The following DEFB108B variants were observed in gnomAD, a reference collection of about 807,000 sequenced individuals.
DEFB108B encodes beta-defensin 108B.
In DEFB108B, 3 loss-of-function variants were observed where a neutral mutation model predicts 2.4. The observed-to-expected ratio is 1.25, with a 90% confidence interval of 0.57 to 3.24. The LOEUF (loss-of-function observed/expected upper bound fraction) is 3.24. DEFB108B is among the 30% of genes most tolerant of loss of function. DEFB108B has a pLI of 0.03. For synonymous variants in DEFB108B, 25 were observed against 28.7 expected, an observed-to-expected ratio of 0.87 and a Z score of 0.41; for missense variants, 101 against 87.8, an observed-to-expected ratio of 1.15 and a Z score of -0.60.
At chr11:71,833,779 G>A (rs1472670250) in intron 1 of DEFB108B, among the ~76,000 whole-genome samples, 1 of 152,118 alleles carries the variant, frequency 6.6e-6, no homozygotes, top group African/African-American at 2.4e-5. Flanking sequence ...TCCATCCCTG[G>A]CTTTCCCTCT....
intron 1 of DEFB108B, among the ~76,000 whole-genome samples, chr11:71,835,015 T>C (rs542780865): frequency 6.6e-6 from 1 of 152,334 alleles, no homozygotes; most frequent in East Asian, 1.9e-4. Context: ...AAATCCCTAA[T>C]GTTACTTGAA....
Position 71,837,457 on chromosome 11 carries a change from C to T in DEFB108B, c.117C>T (p.Cys39=). The change falls in exon 2 of 2, where the codon TGC becomes TGT. Residue 39 remains cysteine (C), a synonymous_variant. Coordinates refer to ENST00000328698, the MANE Select transcript of DEFB108B (RefSeq NM_001002035.2). ...CAAATGGCTCCTGTCGGGACTTTTG[C>T]CTTGAAACAGAAATCCATGTTGGGA... The part of the protein sequence containing the change: ...ERPNGSCRDF[C]LETEIHVGRC... 4 of 1,611,944 alleles carry T rather than the reference C, an allele frequency of 2.5e-6. No individual in the cohort carries two copies. The highest frequency in any genetic ancestry group is 3.4e-6 in the Non-Finnish European group (4 of 1,179,814).
At chr11:71,837,290 A>G in intron 1 of DEFB108B, 109 bp from the exon 2 acceptor site, 1 of 1,374,110 alleles carries the variant, frequency 7.3e-7, no homozygotes, top group Non-Finnish European at 1.0e-6. Context: ...ACACACACAC[A>G]CAAATCCACA....
intron 1 of DEFB108B, among the ~76,000 whole-genome samples, chr11:71,833,863 G>A (rs1481102260): frequency 6.6e-6 from 1 of 152,128 alleles, no homozygotes; most frequent in Non-Finnish European, 1.5e-5. Flanking sequence ...CCAGGGCATA[G>A]CCTACTGCAT....
chr11:71,834,253 A>G (rs1952200369), intron 1 of DEFB108B, among the ~76,000 whole-genome samples: 1 of 152,176 alleles, frequency 6.6e-6, no homozygotes, highest in East Asian at 1.9e-4. Context: ...ATCCAATTAT[A>G]TTAACTCGGT....
rs1437485718 is a variant in DEFB108B at position 71,837,279 on chromosome 11, C to T, written c.59-120C>T. The T allele has an allele frequency of 4.0e-6, 5 of 1,259,518 alleles. No homozygotes were observed. In the East Asian group the frequency reaches 9.3e-5, roughly 23 times the overall value. 78.0% of individuals were successfully genotyped at this position (1,259,518 alleles called of 1,614,324 possible). A position where few individuals can be genotyped will look rare whatever the true frequency, so the allele number is the denominator to read the frequency against. On this transcript the variant is annotated intron_variant, in intron 1 of 1. Transcript: ENST00000328698. ...TAAGAAATCAAATCACACACACACA[C>T]ACACACACACACAAATCCACACAAG...
rs898190317 is a variant in DEFB108B at position 71,835,157 on chromosome 11, T to G, written c.58+1900T>G. ...AGATTTGTTACATGGGTATATTGTG[T>G]GATATTGAGGTTTGGGGTATGAATA... is the stretch of plus-strand genomic sequence containing the variant. On this transcript the variant is annotated intron_variant, in intron 1 of 1. Coordinates refer to ENST00000328698, the MANE Select transcript of DEFB108B (RefSeq NM_001002035.2). Among the ~76,000 whole-genome samples, 20 of 152,306 alleles carry G rather than the reference T, an allele frequency of 1.3e-4. No individual in the cohort carries two copies. The East Asian group carries it at 2.9e-3, about 22-fold the overall frequency.
chr11:71,837,371 G>A, intron 1 of DEFB108B, 28 bp from the exon 2 acceptor site: 1 of 1,610,352 alleles, frequency 6.2e-7, no homozygotes, highest in Non-Finnish European at 8.5e-7. Context: ...ACTGGTGAAT[G>A]GTTACAATAA....
At chr11:71,834,022 A>G (rs1317852066) in intron 1 of DEFB108B, among the ~76,000 whole-genome samples, 1 of 152,214 alleles carries the variant, frequency 6.6e-6, no homozygotes, top group Non-Finnish European at 1.5e-5. Context: ...GAACATGTGT[A>G]TTCAAGGATG....
In DEFB108B at chr11:71,837,644, C is replaced by T. The variant is rs1351145165; in HGVS notation, c.*82C>T. The T allele has an allele frequency of 4.7e-6, 7 of 1,499,252 alleles. No individual in the cohort carries two copies. The African/African-American group carries it at 8.4e-5, about 18-fold the overall frequency. The allele number at this position is 1,499,252 out of a possible 1,614,324, so 92.9% of individuals were successfully genotyped here. A position where few individuals can be genotyped will look rare whatever the true frequency, so the allele number is the denominator to read the frequency against. ...CTCCCTGTCTCCCTTTCCCTCTCTC[C>T]ATTTTTCTCACAGGGATTTTTATTG... is the stretch of plus-strand genomic sequence containing the variant. On this transcript the variant is annotated 3_prime_UTR_variant, in exon 2 of 2. Coordinates refer to ENST00000328698, the MANE Select transcript of DEFB108B (RefSeq NM_001002035.2).
At chr11:71,835,072 G>A (rs1248107914) in intron 1 of DEFB108B, among the ~76,000 whole-genome samples, 2 of 151,996 alleles carry the variant, frequency 1.3e-5, no homozygotes, top group African/African-American at 2.4e-5. Flanking sequence ...AAAGCCCTTT[G>A]TAATTTCAAT....
intron 1 of DEFB108B, among the ~76,000 whole-genome samples, chr11:71,836,039 T>C (rs1471530551): frequency 6.6e-6 from 1 of 152,114 alleles, no homozygotes; most frequent in African/African-American, 2.4e-5. Context: ...TATACTAATC[T>C]CTTATGACTC....
Position 71,837,418 on chromosome 11 carries a change from G to T in DEFB108B, c.78G>T (p.Glu26Asp). The change falls in exon 2 of 2, where the codon GAG (glutamate) becomes GAT (aspartate). Residue 26 changes from glutamate to aspartate, a missense_variant. Physicochemically the swap from Glu to Asp is conservative, Grantham distance 45. Transcript: ENST00000328698. ...QVLPARGKFKEICERPNGSCR... is the reference protein window; with the variant it reads ...QVLPARGKFKDICERPNGSCR... ...ATGTAGCCAGGGGCAAATTCAAGGA[G>T]ATCTGTGAACGTCCAAATGGCTCCT... is the stretch of plus-strand genomic sequence containing the variant. 2 of 1,611,850 alleles carry T rather than the reference G, an allele frequency of 1.2e-6. No individual in the cohort carries two copies. Among genetic ancestry groups the T allele is most frequent in the Non-Finnish European group, 1.7e-6 (2 of 1,179,768 alleles).
At chr11:71,834,682 AC>A (rs1368032338) in intron 1 of DEFB108B, 2 of 152,266 alleles carry the variant, frequency 1.3e-5, no homozygotes, top group African/African-American at 4.8e-5. Flanking sequence ...AGAACTGCAA[AC>A]TTTTTGTAGA....
At position 71,836,495 on chromosome 11, in the gene DEFB108B, A is replaced by C. The variant is rs1952219590; in HGVS notation, c.59-904A>C. 3.3e-5 allele frequency among the ~76,000 whole-genome samples: 5 copies of C among 152,346 alleles called. No homozygotes were observed. The South Asian group carries it at 1.0e-3, about 32-fold the overall frequency. The stretch of plus-strand genomic sequence containing the variant: ...TTTTATACCTCTCTTATTGCCAAGA[A>C]GTTGTCATGGAAAAGGTGCTCTGTG... On this transcript the variant is annotated intron_variant, in intron 1 of 1. Transcript: ENST00000328698.
Position 71,837,643 on chromosome 11 carries a change from C to T in DEFB108B, c.*81C>T. ...TCTCCCTGTCTCCCTTTCCCTCTCTCCATTTTTCTCACAGGGATTTTTATT... is the reference window on the plus strand; with the variant it reads ...TCTCCCTGTCTCCCTTTCCCTCTCTTCATTTTTCTCACAGGGATTTTTATT... On this transcript the variant is annotated 3_prime_UTR_variant, in exon 2 of 2. Transcript: ENST00000328698. 6.7e-7 allele frequency: 1 copy of T among 1,502,654 alleles called. No individual in the cohort carries two copies. Among genetic ancestry groups the T allele is most frequent in the Non-Finnish European group, 8.9e-7 (1 of 1,120,050 alleles). 93.1% of individuals were successfully genotyped at this position (1,502,654 alleles called of 1,614,324 possible). A position where few individuals can be genotyped will look rare whatever the true frequency, so the allele number is the denominator to read the frequency against.
In DEFB108B at chr11:71,835,274, T is replaced by C. The variant is rs765211786; in HGVS notation, c.58+2017T>C. Among the ~76,000 whole-genome samples the C allele has an allele frequency of 3.3e-5, 5 of 152,258 alleles. No homozygotes were observed. The East Asian group carries it at 5.8e-4, about 18-fold the overall frequency. On this transcript the variant is annotated intron_variant, in intron 1 of 1. Transcript: ENST00000328698. ...TCCTGGTAAGTCCCAATCTCTCTTGTTCCCATTTTTATGTCCATGTGCACT... is the reference window on the plus strand; with the variant it reads ...TCCTGGTAAGTCCCAATCTCTCTTGCTCCCATTTTTATGTCCATGTGCACT...
chr11:71,837,438 G>C lies in DEFB108B; in HGVS notation c.98G>C (p.Gly33Ala). 29 of 1,611,968 alleles carry C rather than the reference G, an allele frequency of 1.8e-5. No individual in the cohort carries two copies. Among genetic ancestry groups the C allele is most frequent in the Non-Finnish European group, 2.5e-5 (29 of 1,179,828 alleles). Residue 33 changes from glycine (G) to alanine (A), a missense_variant, in exon 2 of 2, where the codon GGC becomes GCC. Transcript: ENST00000328698. Reference sequence around the variant, plus strand: ...AAGGAGATCTGTGAACGTCCAAATGGCTCCTGTCGGGACTTTTGCCTTGAA... The same window carrying C: ...AAGGAGATCTGTGAACGTCCAAATGCCTCCTGTCGGGACTTTTGCCTTGAA... Reference protein sequence around the residue: ...KFKEICERPNGSCRDFCLETE... With the variant: ...KFKEICERPNASCRDFCLETE...
rs538626280 is a variant in DEFB108B at position 71,835,304 on chromosome 11, G to C, written c.58+2047G>C. 2.6e-5 allele frequency among the ~76,000 whole-genome samples: 4 copies of C among 152,066 alleles called. No homozygotes were observed. The East Asian group carries it at 7.7e-4, about 29-fold the overall frequency. On this transcript the variant is annotated intron_variant, in intron 1 of 1. Transcript: ENST00000328698. ...ATTTTTATGTCCATGTGCACTTATT[G>C]CTCGGCCCCCCCTTATAACTGAGAA... is the stretch of plus-strand genomic sequence containing the variant.
Sources: allele counts gnomAD v4.1 joint callset (sites outside exome capture counted in the v4.1 genomes callset), GRCh38; gene constraint gnomAD v4.1.1; transcripts MANE v1.5; gene names NCBI Gene and HGNC (gene_info 2026-07-23, HGNC 2026-07-21).